RNF115: variants seen among roughly 807,000 people sequenced by gnomAD.
RNF115 encodes E3 ubiquitin-protein ligase RNF115.
RNF115 carries 31 observed loss-of-function variants against 39.2 expected under a neutral mutation model. The observed-to-expected ratio is 0.79, with a 90% CI of 0.59 to 1.07. RNF115 has a LOEUF of 1.07. Ranked by LOEUF, RNF115 falls within the 50% of genes least tolerant of loss-of-function variation. The probability of loss-of-function intolerance (pLI) is 0.00; values close to 1 mark genes in which losing one functional copy is unlikely to be tolerated. For missense variants in RNF115, 384 were observed against 381.7 expected, an observed-to-expected ratio of 1.01 and a Z score of -0.05; for synonymous variants, 124 against 131.0, an observed-to-expected ratio of 0.95 and a Z score of 0.37.
chr1:145,820,637 G>A (rs61816194), intron 1 of RNF115, among the ~76,000 whole-genome samples: 42,552 of 151,494 alleles, frequency 0.28, 6,857 homozygotes, highest in Non-Finnish European at 0.36. Flanking sequence ...TTGGGAGGCC[G>A]AGGCAGGAGA....
At chr1:145,789,700 C>CTTTT (rs67276251) in intron 1 of RNF115, among the ~76,000 whole-genome samples, 177 of 86,750 alleles carry the variant, frequency 2.0e-3, no homozygotes, top group African/African-American at 3.6e-3. Flanking sequence ...ACCCGGACTT[C>CTTTT]TTTTTTTTTT....
chr1:145,750,579 C>T (rs1335910774), intron 6 of RNF115, 79 bp from the exon 7 acceptor site: 14 of 1,056,800 alleles, frequency 1.3e-5, no homozygotes, highest in South Asian at 1.1e-4. Flanking sequence ...CAGCTGAGAA[C>T]AAACAGTGCA....
chr1:145,811,909 A>AAAAAAAAAAATG (rs1649736978), intron 1 of RNF115, among the ~76,000 whole-genome samples: 2 of 76,564 alleles, frequency 2.6e-5, no homozygotes, highest in Non-Finnish European at 5.5e-5. Context: ...AAAAAAAAAA[A>AAAAAAAAAAATG]TATATATATA....
At chr1:145,801,738 C>T (rs1434898102) in intron 1 of RNF115, among the ~76,000 whole-genome samples, 1 of 151,954 alleles carries the variant, frequency 6.6e-6, no homozygotes, top group Non-Finnish European at 1.5e-5. Flanking sequence ...CCCTCAGTAA[C>T]TCATTTCTCT....
chr1:145,764,890 T>A (rs1658703929), intron 4 of RNF115, among the ~76,000 whole-genome samples: 1 of 152,176 alleles, frequency 6.6e-6, no homozygotes, highest in African/African-American at 2.4e-5. Flanking sequence ...GATGAGCCCC[T>A]CTGCCCGGCC....
In RNF115 at chr1:145,788,964, T is replaced by C. The variant is rs782551562; in HGVS notation, c.105A>G (p.Glu35=). 1 of 1,584,038 alleles carries C rather than the reference T, an allele frequency of 6.3e-7. No homozygotes were observed. Among genetic ancestry groups the C allele is most frequent in the Non-Finnish European group, 8.6e-7 (1 of 1,157,124 alleles). ...CTGATTCACATCTGGGACATATATA[T>C]TCCTATAAAAGAAAGGAAGAAACAA... ...CKGEVSPKLP[E]YICPRCESGF... The change falls in exon 2 of 9, where the codon GAA becomes GAG. Residue 35 remains glutamate, a splice_region_variant and synonymous_variant. Coordinates refer to ENST00000582693, the MANE Select transcript of RNF115 (RefSeq NM_014455.4).
chr1:145,777,062 T>C (rs1647919592), intron 3 of RNF115, among the ~76,000 whole-genome samples: 1 of 152,158 alleles, frequency 6.6e-6, no homozygotes, highest in East Asian at 1.9e-4. Context: ...AAAACTATAC[T>C]TGTCTTCAAT....
chr1:145,803,753 G>C (rs780934372), intron 1 of RNF115, among the ~76,000 whole-genome samples: 43 of 152,180 alleles, frequency 2.8e-4, no homozygotes, highest in Non-Finnish European at 5.0e-4. Flanking sequence ...TTCCAAACAG[G>C]AGTGCATAAT....
intron 4 of RNF115, among the ~76,000 whole-genome samples, chr1:145,755,369 G>A (rs1252083648): frequency 3.3e-5 from 5 of 152,014 alleles, no homozygotes; most frequent in African/African-American, 9.7e-5. Context: ...ACTGAGTACT[G>A]CCAACAGCCA....
intron 2 of RNF115, among the ~76,000 whole-genome samples, chr1:145,788,519 C>T (rs1284473194): frequency 6.6e-6 from 1 of 152,202 alleles, no homozygotes; most frequent in South Asian, 2.1e-4. Flanking sequence ...AGAGGTATAA[C>T]AGCAGTTTAC....
chr1:145,789,568 T>C (rs1317454516), intron 1 of RNF115, among the ~76,000 whole-genome samples: 2 of 149,716 alleles, frequency 1.3e-5, no homozygotes, highest in Non-Finnish European at 3.0e-5. Flanking sequence ...CTGGCTAATT[T>C]TGTATTTTTA....
chr1:145,794,766 C>G (rs1291237975), intron 1 of RNF115, among the ~76,000 whole-genome samples: 1 of 151,760 alleles, frequency 6.6e-6, no homozygotes, highest in East Asian at 1.9e-4. Flanking sequence ...GCCTGTAATT[C>G]TAGCACTTTG....
At chr1:145,792,366 T>C (rs973199218) in intron 1 of RNF115, among the ~76,000 whole-genome samples, 1 of 152,140 alleles carries the variant, frequency 6.6e-6, no homozygotes, top group African/African-American at 2.4e-5. Flanking sequence ...GGTCTCATTC[T>C]GTCACCTAGA....
At chr1:145,788,230 C>T (rs1189412168) in intron 2 of RNF115, among the ~76,000 whole-genome samples, 2 of 152,032 alleles carry the variant, frequency 1.3e-5, no homozygotes, top group South Asian at 2.1e-4. Flanking sequence ...TACAGGCGCC[C>T]GCCACTATAC....
chr1:145,746,918 G>A lies in RNF115; in HGVS notation c.863C>T (p.Ala288Val). 6.2e-7 allele frequency: 1 copy of A among 1,614,076 alleles called. No individual in the cohort carries two copies. The highest frequency in any genetic ancestry group is 1.1e-5 in the South Asian group (1 of 91,072). ...TRQSQSTEASASNRFSNDSQL... is the reference protein window; with the variant it reads ...TRQSQSTEASVSNRFSNDSQL... ...ACTGTCATTGCTAAATCTGTTGCTT[G>A]CAGAGGCCTCAGTGCTCTGGCTTTG... Residue 288 changes from alanine to valine, a missense_variant, in exon 9 of 9, where the codon GCA becomes GTA. Transcript: ENST00000582693.
At chr1:145,806,982 T>C (rs587614915) in intron 1 of RNF115, among the ~76,000 whole-genome samples, 2 of 152,334 alleles carry the variant, frequency 1.3e-5, no homozygotes, top group South Asian at 2.1e-4. Context: ...AAACCTCTTT[T>C]AAGTTACCCA....
At chr1:145,791,449 T>C (rs1256101202) in intron 1 of RNF115, among the ~76,000 whole-genome samples, 2 of 151,394 alleles carry the variant, frequency 1.3e-5, no homozygotes, top group African/African-American at 4.9e-5. Flanking sequence ...GAGGTCAAGG[T>C]TGGAGTGAGC....
intron 1 of RNF115, among the ~76,000 whole-genome samples, chr1:145,797,815 T>G (rs587604490): frequency 1.8e-4 from 27 of 151,548 alleles, no homozygotes; most frequent in Non-Finnish European, 3.8e-4. Context: ...CGTAATTCCC[T>G]GTTTGTTTTT....
At chr1:145,820,243 T>C (rs1202640395) in intron 1 of RNF115, among the ~76,000 whole-genome samples, 2 of 149,942 alleles carry the variant, frequency 1.3e-5, no homozygotes, top group African/African-American at 4.9e-5. Context: ...GGCAGGCAGA[T>C]TGCTTAAGCC....
Sources: allele counts gnomAD v4.1 joint callset (sites outside exome capture counted in the v4.1 genomes callset), GRCh38; gene constraint gnomAD v4.1.1; transcripts MANE v1.5; gene names NCBI Gene and HGNC (gene_info 2026-07-23, HGNC 2026-07-21).